CCSER2: variants seen among roughly 807,000 people sequenced by gnomAD.
The protein encoded by CCSER2 is coiled-coil serine rich protein 2.
A neutral mutation model predicts 92.3 loss-of-function variants in CCSER2; 46 were observed. That is an observed-to-expected ratio of 0.50 (90% CI 0.39 to 0.64). CCSER2 has a LOEUF of 0.64. Among genes scored for constraint, CCSER2 ranks in the 30% least tolerant of loss-of-function variants. The pLI is 0.00. For missense variants in CCSER2, 1,244 were observed against 1,238.9 expected (o/e 1.00, Z -0.06); for synonymous variants, 433 against 431.4 (o/e 1.00, Z -0.04).
chr10:84,509,629 C>A (rs1849246823), intron 9 of CCSER2, among the ~76,000 whole-genome samples: 1 of 152,140 alleles, frequency 6.6e-6, no homozygotes, highest in South Asian at 2.1e-4. Context: ...TTGCTGAGTT[C>A]AGTTAGAGGC....
At chr10:84,387,621 T>C (rs1261987897) in intron 3 of CCSER2, among the ~76,000 whole-genome samples, 1 of 151,940 alleles carries the variant, frequency 6.6e-6, no homozygotes, top group African/African-American at 2.4e-5. Flanking sequence ...CTCCGCCTCC[T>C]GGGTTCACGC....
chr10:84,356,873 A>G (rs759605410), intron 1 of CCSER2, among the ~76,000 whole-genome samples: 7 of 152,092 alleles, frequency 4.6e-5, no homozygotes, highest in African/African-American at 1.5e-4. Flanking sequence ...GTGTGTGTGT[A>G]TATACATATA....
chr10:84,442,216 G>T (rs895847568), intron 6 of CCSER2, among the ~76,000 whole-genome samples: 1 of 152,024 alleles, frequency 6.6e-6, no homozygotes, highest in Non-Finnish European at 1.5e-5. Flanking sequence ...GATCTCTTTG[G>T]CTTCTTAGTG....
At chr10:84,449,691 G>A (rs1324500299) in intron 6 of CCSER2, among the ~76,000 whole-genome samples, 1 of 151,994 alleles carries the variant, frequency 6.6e-6, no homozygotes, top group Non-Finnish European at 1.5e-5. Flanking sequence ...CCCGTCTCTA[G>A]TAAAAATACA....
At chr10:84,460,572 A>G (rs1343145987) in intron 6 of CCSER2, among the ~76,000 whole-genome samples, 2 of 151,502 alleles carry the variant, frequency 1.3e-5, no homozygotes, top group Non-Finnish European at 2.9e-5. Flanking sequence ...AAATTTTGGA[A>G]CAATTTGCCA....
intron 6 of CCSER2, among the ~76,000 whole-genome samples, chr10:84,459,454 G>A (rs1294720964): frequency 2.0e-5 from 3 of 152,026 alleles, no homozygotes. Flanking sequence ...CTGGTCTTGG[G>A]GTAGAATATT....
chr10:84,489,810 A>C (rs1848042853), intron 9 of CCSER2, among the ~76,000 whole-genome samples: 1 of 152,184 alleles, frequency 6.6e-6, no homozygotes, highest in Non-Finnish European at 1.5e-5. Flanking sequence ...GTTGCTCGTT[A>C]GTTGATGCAG....
chr10:84,488,608 C>T (rs907761790), intron 9 of CCSER2, among the ~76,000 whole-genome samples: 9 of 151,966 alleles, frequency 5.9e-5, no homozygotes, highest in Non-Finnish European at 1.0e-4. Context: ...ATTTTAATTG[C>T]GTCTATTTGA....
In CCSER2 at chr10:84,441,734, A is replaced by AT. The variant is rs1564667385; in HGVS notation, c.2064+3028dup. 3.7e-3 allele frequency among the ~76,000 whole-genome samples: 393 copies of AT among 106,420 alleles called. 31 individuals are homozygous for AT. Among genetic ancestry groups the AT allele is most frequent in the Non-Finnish European group, 6.0e-3 (326 of 54,092 alleles). The allele number at this position is 106,420 out of a possible 152,430, so 69.8% of individuals were successfully genotyped here. ...GGGAATAAAGTAGAAGACTGGGAAAATGTTTTTTTTTTTTTTTTTTTTTTT... is the reference window on the plus strand; with the variant it reads ...GGGAATAAAGTAGAAGACTGGGAAAATTGTTTTTTTTTTTTTTTTTTTTTTT... On this transcript the variant is annotated intron_variant, in intron 6 of 9. Transcript: ENST00000372088.
intron 9 of CCSER2, among the ~76,000 whole-genome samples, chr10:84,504,682 T>C (rs1848952427): frequency 6.6e-6 from 1 of 152,192 alleles, no homozygotes; most frequent in African/African-American, 2.4e-5. Context: ...AGCCATACAT[T>C]TTAAGAAAGG....
chr10:84,435,638 C>CAAAAAA (rs5786657), intron 5 of CCSER2, among the ~76,000 whole-genome samples: 1 of 106,832 alleles, frequency 9.4e-6, no homozygotes, highest in African/African-American at 3.9e-5. Flanking sequence ...CCATTCAGTG[C>CAAAAAA]AAAAAAAAAA....
chr10:84,457,393 A>AT (rs1176628800), intron 6 of CCSER2, among the ~76,000 whole-genome samples: 4 of 92,418 alleles, frequency 4.3e-5, no homozygotes, highest in Admixed American at 1.8e-4. Context: ...ATATATATTT[A>AT]TTTAAATATA....
chr10:84,494,217 A>C (rs1848323280), intron 9 of CCSER2, among the ~76,000 whole-genome samples: 1 of 152,164 alleles, frequency 6.6e-6, no homozygotes, highest in African/African-American at 2.4e-5. Flanking sequence ...CCCATGATGT[A>C]GGGTAACTTC....
Position 84,401,105 on chromosome 10 carries a change from AAAG to A in CCSER2, c.1615-16659_1615-16657del, listed in dbSNP as rs148075134. Among the ~76,000 whole-genome samples, 182 of 152,308 alleles carry A rather than the reference AAAG, an allele frequency of 1.2e-3. 1 individual carries two copies. Among genetic ancestry groups the A allele is most frequent in the African/African-American group, 4.2e-3 (174 of 41,576 alleles). On this transcript the variant is annotated intron_variant, in intron 3 of 9. Transcript: ENST00000372088. The stretch of plus-strand genomic sequence containing the variant: ...TATAGTGATGAATACTTGCATTAGA[AAAG>A]AAGAAGGGTCTCAAATCAGTAATCA...
chr10:84,511,282 T>C (rs1322093700), intron 9 of CCSER2, among the ~76,000 whole-genome samples: 5 of 152,214 alleles, frequency 3.3e-5, no homozygotes. Flanking sequence ...TCCGTTTATT[T>C]CTCTGATAAG....
At chr10:84,446,175 G>A (rs1179835210) in intron 6 of CCSER2, among the ~76,000 whole-genome samples, 2 of 152,202 alleles carry the variant, frequency 1.3e-5, no homozygotes, top group Middle Eastern at 3.4e-3. Context: ...TAATGGAAAG[G>A]CATGATGATA....
At chr10:84,485,427 T>G (rs540418183) in intron 9 of CCSER2, among the ~76,000 whole-genome samples, 8 of 152,342 alleles carry the variant, frequency 5.3e-5, no homozygotes, top group East Asian at 3.9e-4. Flanking sequence ...GTTTTACATC[T>G]TTATAATTTT....
intron 1 of CCSER2, among the ~76,000 whole-genome samples, chr10:84,347,003 C>T (rs946547121): frequency 2.0e-5 from 3 of 152,046 alleles, no homozygotes; most frequent in Non-Finnish European, 4.4e-5. Flanking sequence ...ATGCTGCCTT[C>T]AAGCATCTGT....
chr10:84,392,557 G>A (rs1841586548), intron 3 of CCSER2, among the ~76,000 whole-genome samples: 2 of 151,630 alleles, frequency 1.3e-5, no homozygotes. Flanking sequence ...CCCACATGAT[G>A]GGGCTTTGTT....
Sources: allele counts gnomAD v4.1 joint callset (sites outside exome capture counted in the v4.1 genomes callset), GRCh38; gene constraint gnomAD v4.1.1; transcripts MANE v1.5; gene names NCBI Gene and HGNC (gene_info 2026-07-23, HGNC 2026-07-21).